The following CCSER1 variants were observed in gnomAD, a reference collection of about 807,000 sequenced individuals.
The protein encoded by CCSER1 is serine-rich coiled-coil domain-containing protein 1.
In CCSER1, 41 loss-of-function variants were observed where a neutral mutation model predicts 82.0. The ratio of observed to expected loss-of-function variants is 0.50; its 90% CI spans 0.39 to 0.65. The LOEUF (loss-of-function observed/expected upper bound fraction) is 0.65. Among genes scored for constraint, CCSER1 ranks in the 30% least tolerant of loss-of-function variants. The probability of loss-of-function intolerance (pLI) is 0.00; values close to 1 mark genes in which losing one functional copy is unlikely to be tolerated. For missense variants in CCSER1, 1,119 were observed against 1,064.2 expected (o/e 1.05, Z -0.72); for synonymous variants, 414 against 383.9 (o/e 1.08, Z -0.92).
intron 1 of CCSER1, among the ~76,000 whole-genome samples, chr4:90,280,376 C>G (rs1242338797): frequency 6.6e-6 from 1 of 151,828 alleles, no homozygotes; most frequent in Non-Finnish European, 1.5e-5. Context: ...TTCTCCCTTC[C>G]CTCCCTCCTT....
chr4:91,103,015 T>C (rs557386143), intron 10 of CCSER1, among the ~76,000 whole-genome samples: 91 of 152,346 alleles, frequency 6.0e-4, no homozygotes, highest in African/African-American at 2.2e-3. Flanking sequence ...AAATAATCCT[T>C]GTGTAAACTA....
chr4:90,383,448 T>C (rs1365075702), intron 3 of CCSER1, among the ~76,000 whole-genome samples: 2 of 152,172 alleles, frequency 1.3e-5, no homozygotes, highest in African/African-American at 4.8e-5. Flanking sequence ...GTAGCATAAC[T>C]GTTTGGGAAG....
Position 91,459,742 on chromosome 4 carries a change from G to C in CCSER1, c.2218-138830G>C, listed in dbSNP as rs565755420. 1.9e-4 allele frequency among the ~76,000 whole-genome samples: 29 copies of C among 152,138 alleles called. No homozygotes were observed. The South Asian group carries it at 5.8e-3, about 31-fold the overall frequency. On this transcript the variant is annotated intron_variant, in intron 10 of 10. Transcript: ENST00000509176. The stretch of plus-strand genomic sequence containing the variant: ...AGTAAATCTTGCTCAAATGTCTGTG[G>C]CCTTAACATTGAATTCTACTTCAAG...
In CCSER1 at chr4:91,291,591, G is replaced by T. The variant is rs527697219; in HGVS notation, c.2217+205597G>T. 2.6e-5 allele frequency among the ~76,000 whole-genome samples: 4 copies of T among 152,006 alleles called. No individual in the cohort carries two copies. In the East Asian group the frequency reaches 7.8e-4, roughly 30 times the overall value. ...GAGCAGGAGCAAGAGAGAGAAGGGA[G>T]GTGCCAAAGAGTTTTAAACAGCCAG... is the stretch of plus-strand genomic sequence containing the variant. On this transcript the variant is annotated intron_variant, in intron 10 of 10. Coordinates refer to ENST00000509176, the MANE Select transcript of CCSER1 (RefSeq NM_001145065.2).
intron 10 of CCSER1, among the ~76,000 whole-genome samples, chr4:91,482,410 A>G (rs1757983262): frequency 1.2e-5 from 1 of 85,192 alleles, no homozygotes; most frequent in Non-Finnish European, 2.8e-5. Flanking sequence ...CTCCGTCTCA[A>G]AAAAAAAAAA....
chr4:91,416,050 A>G (rs1049587116), intron 10 of CCSER1, among the ~76,000 whole-genome samples: 1 of 151,968 alleles, frequency 6.6e-6, no homozygotes, highest in Non-Finnish European at 1.5e-5. Flanking sequence ...TTGATAGGCT[A>G]TTTATTACTG....
chr4:91,045,129 T>C (rs978067294), intron 9 of CCSER1, among the ~76,000 whole-genome samples: 8 of 152,170 alleles, frequency 5.3e-5, no homozygotes, highest in Non-Finnish European at 1.2e-4. Flanking sequence ...TAGTTTTTGG[T>C]AAAATACCTA....
At chr4:91,298,637 T>G (rs1744413676) in intron 10 of CCSER1, among the ~76,000 whole-genome samples, 1 of 151,984 alleles carries the variant, frequency 6.6e-6, no homozygotes, top group Non-Finnish European at 1.5e-5. Context: ...TTTATGAAAG[T>G]AAGAGTAAAA....
chr4:90,786,153 A>G (rs1241001304), intron 7 of CCSER1, among the ~76,000 whole-genome samples: 1 of 152,190 alleles, frequency 6.6e-6, no homozygotes, highest in Non-Finnish European at 1.5e-5. Flanking sequence ...CTGGGCAGAT[A>G]GAAAGACGAT....
intron 10 of CCSER1, among the ~76,000 whole-genome samples, chr4:91,172,049 G>A (rs1386237259): frequency 6.6e-6 from 1 of 151,808 alleles, no homozygotes; most frequent in African/African-American, 2.4e-5. Context: ...AAAGCACCTT[G>A]CATTGTTTTA....
chr4:91,598,126 T>C (rs1470295924), intron 10 of CCSER1, among the ~76,000 whole-genome samples: 2 of 152,208 alleles, frequency 1.3e-5, no homozygotes, highest in African/African-American at 4.8e-5. Context: ...CAAATCATGA[T>C]ACTGATAATT....
intron 1 of CCSER1, among the ~76,000 whole-genome samples, chr4:90,229,020 G>C (rs550439511): frequency 1.8e-3 from 278 of 152,298 alleles, no homozygotes; most frequent in African/African-American, 6.5e-3. Context: ...GTGATGGGGA[G>C]AATGGAACCA....
chr4:90,987,238 C>T (rs1030619914), intron 9 of CCSER1, among the ~76,000 whole-genome samples: 7 of 150,878 alleles, frequency 4.6e-5, no homozygotes, highest in South Asian at 2.1e-4. Context: ...TGTTTCATTT[C>T]GTATCTAGTA....
At chr4:90,344,562 A>G (rs894183838) in intron 3 of CCSER1, among the ~76,000 whole-genome samples, 3 of 152,170 alleles carry the variant, frequency 2.0e-5, no homozygotes, top group Non-Finnish European at 4.4e-5. Context: ...AAATGCATTT[A>G]GTACCCCCAT....
chr4:91,161,777 C>A (rs1731426651), intron 10 of CCSER1, among the ~76,000 whole-genome samples: 1 of 151,966 alleles, frequency 6.6e-6, no homozygotes, highest in South Asian at 2.1e-4. Context: ...TAATAAGCAA[C>A]ATGAAGCAAT....
chr4:90,382,911 G>A (rs1459401551), intron 3 of CCSER1, among the ~76,000 whole-genome samples: 3 of 152,064 alleles, frequency 2.0e-5, no homozygotes, highest in Non-Finnish European at 2.9e-5. Flanking sequence ...CTTCAACACC[G>A]TGTGTTATTG....
chr4:90,785,649 T>C (rs1006538917), intron 7 of CCSER1, among the ~76,000 whole-genome samples: 2 of 152,218 alleles, frequency 1.3e-5, no homozygotes, highest in Non-Finnish European at 2.9e-5. Context: ...CTTTATGAAA[T>C]GTTAGTTTCT....
At chr4:91,175,185 G>T (rs915803812) in intron 10 of CCSER1, among the ~76,000 whole-genome samples, 4 of 152,028 alleles carry the variant, frequency 2.6e-5, no homozygotes, top group Non-Finnish European at 4.4e-5. Flanking sequence ...GTGTTCCATG[G>T]TGTATATGTA....
At chr4:90,512,281 G>A (rs1243818664) in intron 5 of CCSER1, among the ~76,000 whole-genome samples, 1 of 148,988 alleles carries the variant, frequency 6.7e-6, no homozygotes, top group South Asian at 2.1e-4. Context: ...CTTGTCTCTG[G>A]TTGGTAAAAT....
Sources: gnomAD v4.1 joint callset for allele counts (sites outside exome capture counted in the v4.1 genomes callset) on GRCh38, gnomAD v4.1.1 for gene constraint, MANE v1.5 for transcripts, NCBI Gene and HGNC (gene_info 2026-07-23, HGNC 2026-07-21) for gene names.